GLG1: variants seen among roughly 807,000 people sequenced by gnomAD.
GLG1 encodes the protein golgi glycoprotein 1.
Under a neutral mutation model 160.5 loss-of-function variants are expected in GLG1, and 38 were observed. The ratio of observed to expected loss-of-function variants is 0.24; its 90% confidence interval spans 0.18 to 0.31. The LOEUF is 0.31. Among genes scored for constraint, GLG1 ranks in the 10% least tolerant of loss-of-function variants. The probability of loss-of-function intolerance (pLI) is 1.00; values close to 1 mark genes in which losing one functional copy is unlikely to be tolerated. For synonymous variants in GLG1, 644 were observed against 543.4 expected, an observed-to-expected ratio of 1.19 and a Z score of -2.57; for missense variants, 1,373 against 1,505.2, an observed-to-expected ratio of 0.91 and a Z score of 1.45.
At chr16:74,556,467 T>C (rs1050805331) in intron 1 of GLG1, among the ~76,000 whole-genome samples, 1 of 152,044 alleles carries the variant, frequency 6.6e-6, no homozygotes, top group East Asian at 1.9e-4. Context: ...AATATACAGA[T>C]TATACACAAA....
intron 8 of GLG1, 54 bp from the exon 9 acceptor site, chr16:74,485,971 A>AGAGCAGTGTCTTG: frequency 6.9e-7 from 1 of 1,444,136 alleles, no homozygotes; most frequent in Non-Finnish European, 9.6e-7. Context: ...GTGCTAGGTA[A>AGAGCAGTGTCTTG]GAGCAGTGTC....
chr16:74,496,431 G>A lies in GLG1; in HGVS notation c.978+10C>T. 1 of 1,573,146 alleles carries A rather than the reference G, an allele frequency of 6.4e-7. No individual in the cohort carries two copies. Among genetic ancestry groups the A allele is most frequent in the Non-Finnish European group, 8.7e-7 (1 of 1,142,928 alleles). On this transcript the variant is annotated intron_variant, in intron 5 of 25. Coordinates refer to ENST00000422840, the MANE Select transcript of GLG1 (RefSeq NM_001145667.2). ...AAAGGAAGAAAAGAACAGTTTCTGAGCTGACTCACATTTTCACAAAAACGC... is the reference window on the plus strand; with the variant it reads ...AAAGGAAGAAAAGAACAGTTTCTGAACTGACTCACATTTTCACAAAAACGC...
At position 74,462,491 on chromosome 16, in the gene GLG1, G is replaced by T; in HGVS notation, c.2931C>A (p.Asp977Glu). ...TGGAGAGCCCAGGCCAGTTTACCTG[G>T]TCAGCATATCTCAGCTTCAGGCAAG... ...VISCLKLRYA[D>E]QRLSSDCEDQ... is the part of the protein sequence containing the mutation. The change falls in exon 21 of 26, where the codon GAC becomes GAA. Residue 977 changes from aspartate (D) to glutamate (E), a missense_variant. This residue lies in a region of GLG1 where 491 missense variants were observed against 632.1 expected (regional missense o/e 0.78). Coordinates refer to ENST00000422840, the MANE Select transcript of GLG1 (RefSeq NM_001145667.2). 1.2e-6 allele frequency: 2 copies of T among 1,613,464 alleles called. No individual in the cohort carries two copies. Among genetic ancestry groups the T allele is most frequent in the Non-Finnish European group, 1.7e-6 (2 of 1,179,398 alleles).
chr16:74,457,818 T>A, intron 24 of GLG1, 56 bp downstream of exon 24: 1 of 1,544,834 alleles, frequency 6.5e-7, no homozygotes, highest in Non-Finnish European at 8.9e-7. Flanking sequence ...TAAGAGGGAG[T>A]CTTTGCTCTT....
At chr16:74,545,086 A>G (rs1403145671) in intron 1 of GLG1, among the ~76,000 whole-genome samples, 1 of 152,228 alleles carries the variant, frequency 6.6e-6, no homozygotes, top group Non-Finnish European at 1.5e-5. Context: ...TACATCAATC[A>G]CATTAGGATA....
At chr16:74,545,670 A>T (rs2018025530) in intron 1 of GLG1, among the ~76,000 whole-genome samples, 1 of 152,240 alleles carries the variant, frequency 6.6e-6, no homozygotes, top group Admixed American at 6.5e-5. Flanking sequence ...CATGTCTTTT[A>T]AAGTTCTAAA....
chr16:74,606,240 G>A (rs1293468338), intron 1 of GLG1, among the ~76,000 whole-genome samples: 2 of 152,204 alleles, frequency 1.3e-5, no homozygotes, highest in Non-Finnish European at 2.9e-5. Context: ...ATTCTTTACA[G>A]CCTAAGTACG....
At chr16:74,539,328 G>C (rs1217290316) in intron 1 of GLG1, among the ~76,000 whole-genome samples, 1 of 151,976 alleles carries the variant, frequency 6.6e-6, no homozygotes, top group Non-Finnish European at 1.5e-5. Context: ...AACACGTTAA[G>C]TTTTAAAGAT....
intron 1 of GLG1, among the ~76,000 whole-genome samples, chr16:74,603,090 A>AAAAAAC (rs1958480577): frequency 6.7e-6 from 1 of 150,150 alleles, no homozygotes; most frequent in Non-Finnish European, 1.5e-5. Context: ...ACTTCGTCTC[A>AAAAAAC]AACAACAACA....
intron 1 of GLG1, among the ~76,000 whole-genome samples, chr16:74,598,534 AAAAG>A (rs926306001): frequency 3.3e-5 from 5 of 151,294 alleles, no homozygotes; most frequent in African/African-American, 7.3e-5. Context: ...AAAAAAAGAA[AAAAG>A]AAAGAAGAAA....
intron 25 of GLG1, among the ~76,000 whole-genome samples, chr16:74,453,627 C>G (rs892055284): frequency 6.6e-6 from 1 of 152,138 alleles, no homozygotes; most frequent in Non-Finnish European, 1.5e-5. Flanking sequence ...ATGTGTCGGG[C>G]CCTGGACGAA....
Position 74,508,861 on chromosome 16 carries a change from A to G in GLG1, c.536T>C (p.Val179Ala), listed in dbSNP as rs775709143. The change falls in exon 3 of 26, where the codon GTT (valine) becomes GCT (alanine). Residue 179 changes from valine to alanine, a missense_variant. Around this residue, in one of 4 missense-constraint regions of GLG1, gnomAD observed 322 missense variants for 254.6 expected, o/e 1.26. Transcript: ENST00000422840. ...DPKFESVAREVCKSTITEIKE... is the reference protein window; with the variant it reads ...DPKFESVAREACKSTITEIKE... ...TACCTCTGTTATAGTAGATTTGCAA[A>G]CCTCTCTGGCCACAGATTCAAATTT... The G allele has an allele frequency of 2.0e-6, 3 of 1,519,514 alleles. No homozygotes were observed. The highest frequency in any genetic ancestry group is 2.7e-6 in the Non-Finnish European group (3 of 1,095,038). 94.1% of individuals were successfully genotyped at this position (1,519,514 alleles called of 1,614,324 possible). A position where few individuals can be genotyped will look rare whatever the true frequency, so the allele number is the denominator to read the frequency against.
intron 1 of GLG1, among the ~76,000 whole-genome samples, chr16:74,532,848 G>C (rs2143613956): frequency 6.6e-6 from 1 of 152,178 alleles, no homozygotes; most frequent in Admixed American, 6.5e-5. Flanking sequence ...TTTTTAAATT[G>C]GCCTAATGCT....
intron 21 of GLG1, 117 bp downstream of exon 21, chr16:74,462,371 G>C (rs2014835751): frequency 1.0e-6 from 1 of 1,002,152 alleles, no homozygotes; most frequent in Non-Finnish European, 1.5e-6. Flanking sequence ...CCCAGGTTCG[G>C]GAAGATATGA....
intron 2 of GLG1, among the ~76,000 whole-genome samples, chr16:74,529,389 G>T (rs368827989): frequency 3.4e-4 from 52 of 150,942 alleles, no homozygotes; most frequent in Middle Eastern, 3.4e-3. Context: ...ACTAATTCTC[G>T]GTTGAAATAC....
chr16:74,580,688 T>G (rs185606037), intron 1 of GLG1, among the ~76,000 whole-genome samples: 1 of 152,256 alleles, frequency 6.6e-6, no homozygotes, highest in African/African-American at 2.4e-5. Context: ...TACATCAAAG[T>G]TGAAGACGAC....
chr16:74,561,706 C>G (rs1336163189), intron 1 of GLG1, among the ~76,000 whole-genome samples: 1 of 152,136 alleles, frequency 6.6e-6, no homozygotes, highest in African/African-American at 2.4e-5. Context: ...TGCTATGCAC[C>G]TGAATTGGAG....
chr16:74,455,982 C>T (rs1163235314), intron 25 of GLG1, among the ~76,000 whole-genome samples: 1 of 152,172 alleles, frequency 6.6e-6, no homozygotes, highest in East Asian at 1.9e-4. Context: ...TTACCCCTAG[C>T]CCAAGTCTAC....
In GLG1 at chr16:74,462,476, A is replaced by C. The variant is rs759148199; in HGVS notation, c.2934+12T>G. On this transcript the variant is annotated intron_variant, in intron 21 of 25. Coordinates refer to ENST00000422840, the MANE Select transcript of GLG1 (RefSeq NM_001145667.2). Reference sequence around the variant, plus strand: ...ATAAATACACCTTTGTGGAGAGCCCAGGCCAGTTTACCTGGTCAGCATATC... The same window carrying C: ...ATAAATACACCTTTGTGGAGAGCCCCGGCCAGTTTACCTGGTCAGCATATC... 1.2e-5 allele frequency: 20 copies of C among 1,611,462 alleles called. No homozygotes were observed. Among genetic ancestry groups the C allele is most frequent in the Non-Finnish European group, 1.7e-5 (20 of 1,177,700 alleles).
Sources: allele counts gnomAD v4.1 joint callset (sites outside exome capture counted in the v4.1 genomes callset), GRCh38; gene constraint gnomAD v4.1.1; regional missense constraint gnomAD v4.1.1; transcripts MANE v1.5; gene names NCBI Gene and HGNC (gene_info 2026-07-23, HGNC 2026-07-21).